Variants in UTP15 observed in about 807,000 individuals in gnomAD.
UTP15 encodes UTP15 small subunit processome component.
Under a neutral mutation model 59.1 loss-of-function variants are expected in UTP15, and 5 were observed. That is an observed-to-expected ratio of 0.08 (90% CI 0.04 to 0.18). The LOEUF (loss-of-function observed/expected upper bound fraction) is 0.18, where lower values mean the gene tolerates loss of function less well. Ranked by LOEUF, UTP15 falls within the 10% of genes least tolerant of loss-of-function variation. The probability of loss-of-function intolerance (pLI) is 1.00; values close to 1 mark genes in which losing one functional copy is unlikely to be tolerated. For missense variants in UTP15, 494 were observed against 616.7 expected, an observed-to-expected ratio of 0.80 and a Z score of 2.11; for synonymous variants, 211 against 212.2, an observed-to-expected ratio of 0.99 and a Z score of 0.05.
intron 2 of UTP15, among the ~76,000 whole-genome samples, chr5:73,567,979 A>G (rs541965003): frequency 3.9e-5 from 6 of 152,268 alleles, no homozygotes; most frequent in South Asian, 2.1e-4. Context: ...TTTTTCTGGT[A>G]GAAATCACAG....
chr5:73,569,278 A>ATT (rs11374170), intron 4 of UTP15, among the ~76,000 whole-genome samples: 4 of 151,616 alleles, frequency 2.6e-5, no homozygotes, highest in Non-Finnish European at 5.9e-5. Flanking sequence ...CTATCCTTTA[A>ATT]TTTTTTTTAA....
rs1004416010 is a variant in UTP15 at position 73,581,093 on chromosome 5, G to A, written c.*999G>A. On this transcript the variant is annotated 3_prime_UTR_variant, in exon 13 of 13. Transcript: ENST00000296792. ...TTTAAAGACAGGGTCTCGCTTTATC[G>A]CCCAGGCTGGAGTACAGTGATGCAA... is the stretch of plus-strand genomic sequence containing the variant. 6.8e-6 allele frequency: 1 copy of A among 147,932 alleles called. No individual in the cohort carries two copies. The highest frequency in any genetic ancestry group is 1.5e-5 in the Non-Finnish European group (1 of 67,402). 9.2% of individuals were successfully genotyped at this position (147,932 alleles called of 1,614,324 possible).
In UTP15 at chr5:73,569,629, G is replaced by A; in HGVS notation, c.501G>A (p.Val167=). The A allele has an allele frequency of 6.2e-7, 1 of 1,613,438 alleles. No homozygotes were observed. The change falls in exon 5 of 13, where the codon GTG becomes GTA. Residue 167 remains valine (V), a synonymous_variant. Transcript: ENST00000296792. The part of the protein sequence containing the change: ...ILTFKEHSDY[V]RCGCASKLNP... ...CATTTAAAGAACACTCTGATTATGT[G>A]AGGTGTGGATGTGCTAGCAAACTTA...
chr5:73,578,979 G>C, intron 10 of UTP15, 38 bp from the exon 11 acceptor site: 1 of 1,595,916 alleles, frequency 6.3e-7, no homozygotes, highest in Non-Finnish European at 8.6e-7. Flanking sequence ...TTTTTGTGCT[G>C]TTTTGTCTAC....
chr5:73,569,177 C>G (rs943770658), intron 4 of UTP15, among the ~76,000 whole-genome samples: 5 of 152,048 alleles, frequency 3.3e-5, no homozygotes, highest in Admixed American at 2.6e-4. Context: ...TTTTAAAGAA[C>G]TTTTTGAAAT....
At chr5:73,573,452 T>C (rs929810580) in intron 7 of UTP15, among the ~76,000 whole-genome samples, 3 of 151,950 alleles carry the variant, frequency 2.0e-5, no homozygotes, top group African/African-American at 7.3e-5. Flanking sequence ...TTCGCCATAT[T>C]GCCCAGACTG....
At chr5:73,578,122 A>G (rs567354191) in intron 9 of UTP15, 117 bp downstream of exon 9, 9 of 1,065,340 alleles carry the variant, frequency 8.4e-6, no homozygotes, top group East Asian at 8.1e-5. Context: ...GCTTTTCTCT[A>G]CATCAGAATT....
chr5:73,579,459 T>A, intron 12 of UTP15, 84 bp downstream of exon 12: 1 of 1,038,522 alleles, frequency 9.6e-7, no homozygotes, highest in Non-Finnish European at 1.4e-6. Context: ...ATCAAGTAGA[T>A]CAAAATATCT....
intron 1 of UTP15, among the ~76,000 whole-genome samples, chr5:73,566,471 A>G (rs1234264633): frequency 6.6e-6 from 1 of 152,246 alleles, no homozygotes; most frequent in Admixed American, 6.5e-5. Flanking sequence ...CCAGTGAAAT[A>G]CAATCATTGG....
At chr5:73,566,007 A>G (rs1344065807) in intron 1 of UTP15, 95 bp downstream of exon 1, 2 of 373,424 alleles carry the variant, frequency 5.4e-6, no homozygotes, top group Non-Finnish European at 5.3e-6. Flanking sequence ...CCCAGGCTAT[A>G]TAGGAGAGTG....
In UTP15 at chr5:73,567,382, C is replaced by T. The variant is rs773361173; in HGVS notation, c.38C>T (p.Pro13Leu). Residue 13 changes from proline (P) to leucine (L), a missense_variant, in exon 2 of 13, where the codon CCT becomes CTT. Coordinates refer to ENST00000296792, the MANE Select transcript of UTP15 (RefSeq NM_032175.4). ...GYKPVAIQTY[P>L]ILGEKITQDT... ...AAGCCTGTAGCTATTCAGACATATC[C>T]TATACTTGGTGAAAAAATCACCCAA... 3.1e-6 allele frequency: 5 copies of T among 1,609,688 alleles called. No homozygotes were observed. The South Asian group carries it at 5.5e-5, about 18-fold the overall frequency.
chr5:73,580,876 C>G lies in UTP15; in HGVS notation c.*782C>G, dbSNP rs148568571. On this transcript the variant is annotated 3_prime_UTR_variant, in exon 13 of 13. Coordinates refer to ENST00000296792, the MANE Select transcript of UTP15 (RefSeq NM_032175.4). ...CTTTCAGACTATTCTTCATATGTTT[C>G]AAGCTAATCTTGTAGCTAAGCTACC... 7.5e-4 allele frequency: 114 copies of G among 152,070 alleles called. No individual in the cohort carries two copies. The highest frequency in any genetic ancestry group is 2.5e-3 in the African/African-American group (103 of 41,470). 9.4% of individuals were successfully genotyped at this position (152,070 alleles called of 1,614,324 possible). A position where few individuals can be genotyped will look rare whatever the true frequency, so the allele number is the denominator to read the frequency against.
chr5:73,579,228 T>C lies in UTP15; in HGVS notation c.1280+78T>C, dbSNP rs543044789. On this transcript the variant is annotated intron_variant, in intron 11 of 12. Coordinates refer to ENST00000296792, the MANE Select transcript of UTP15 (RefSeq NM_032175.4). ...ACCAAATAAAAGACATTTAGTTTGATCTTTGTAGAGAACTGATGAAACAAA... is the reference window on the plus strand; with the variant it reads ...ACCAAATAAAAGACATTTAGTTTGACCTTTGTAGAGAACTGATGAAACAAA... 77 of 1,604,032 alleles carry C rather than the reference T, an allele frequency of 4.8e-5. No homozygotes were observed. The East Asian group carries it at 1.7e-3, about 35-fold the overall frequency.
chr5:73,579,838 G>T, intron 12 of UTP15, 39 bp from the exon 13 acceptor site: 1 of 1,423,276 alleles, frequency 7.0e-7, no homozygotes. Context: ...TGTATGGAAA[G>T]ATATTGCTAG....
At chr5:73,576,107 T>C (rs1478567901) in intron 7 of UTP15, among the ~76,000 whole-genome samples, 1 of 151,822 alleles carries the variant, frequency 6.6e-6, no homozygotes, top group Non-Finnish European at 1.5e-5. Flanking sequence ...TTTCCTTTTT[T>C]TCTTTTTAAA....
At position 73,580,049 on chromosome 5, in the gene UTP15, A is replaced by G; in HGVS notation, c.1512A>G (p.Glu504=). 6.2e-7 allele frequency: 1 copy of G among 1,613,876 alleles called. No individual in the cohort carries two copies. The highest frequency in any genetic ancestry group is 8.5e-7 in the Non-Finnish European group (1 of 1,179,826). Residue 504 remains glutamate (E), a synonymous_variant, in exon 13 of 13, where the codon GAA becomes GAG. Transcript: ENST00000296792. The part of the protein sequence containing the change: ...MRRKEGTSVL[E]HTSDGFPENK... Reference sequence around the variant, plus strand: ...GGAAGGAAGGCACTTCTGTGTTGGAACACACATCTGATGGATTTCCAGAGA... The same window carrying G: ...GGAAGGAAGGCACTTCTGTGTTGGAGCACACATCTGATGGATTTCCAGAGA...
intron 7 of UTP15, among the ~76,000 whole-genome samples, chr5:73,575,826 G>A (rs1374705409): frequency 6.6e-6 from 1 of 151,216 alleles, no homozygotes; most frequent in Admixed American, 6.6e-5. Flanking sequence ...GGGTTCATGT[G>A]ATTCTCCTGC....
intron 12 of UTP15, 65 bp from the exon 13 acceptor site, chr5:73,579,810 CTT>C (rs1748243040): frequency 3.9e-6 from 4 of 1,032,320 alleles, no homozygotes; most frequent in South Asian, 2.0e-5. Context: ...CTTTTAAAAA[CTT>C]TTGCTTTTCA....
chr5:73,568,287 C>G lies in UTP15; in HGVS notation c.143C>G (p.Pro48Arg), dbSNP rs1747839268. 1.8e-5 allele frequency: 29 copies of G among 1,611,036 alleles called. No individual in the cohort carries two copies. Among genetic ancestry groups the G allele is most frequent in the African/African-American group, 2.7e-5 (2 of 74,834 alleles). The stretch of plus-strand genomic sequence containing the variant: ...GCAGTTTCAAAAGTAGACTTTTCTC[C>G]TCAGCCTCCATATAATTATGCTGTC... ...FGAVSKVDFSPQPPYNYAVTA... is the reference protein window; with the variant it reads ...FGAVSKVDFSRQPPYNYAVTA... The change falls in exon 3 of 13, where the codon CCT (proline) becomes CGT (arginine). Residue 48 changes from proline (P) to arginine (R), a missense_variant. Physicochemically the swap from Pro to Arg is moderately radical, Grantham distance 103. Transcript: ENST00000296792.
Sources: gnomAD v4.1 joint callset for allele counts (sites outside exome capture counted in the v4.1 genomes callset) on GRCh38, gnomAD v4.1.1 for gene constraint, MANE v1.5 for transcripts, NCBI Gene and HGNC (gene_info 2026-07-23, HGNC 2026-07-21) for gene names.